Variants in PI4KA observed in about 807,000 individuals in gnomAD.
PI4KA encodes the protein PI4-kinase alpha.
A neutral mutation model predicts 271.4 loss-of-function variants in PI4KA; 122 were observed. The ratio of observed to expected loss-of-function variants is 0.45; its 90% CI spans 0.39 to 0.52. The LOEUF (loss-of-function observed/expected upper bound fraction) is 0.52. Among genes scored for constraint, PI4KA ranks in the 20% least tolerant of loss-of-function variants. The pLI, the probability that PI4KA is intolerant of heterozygous loss-of-function variation, is 0.00. For missense variants in PI4KA, 1,969 were observed against 2,769.1 expected, an observed-to-expected ratio of 0.71 and a Z score of 6.48; for synonymous variants, 1,041 against 1,078.8, an observed-to-expected ratio of 0.96 and a Z score of 0.69.
intron 13 of PI4KA, among the ~76,000 whole-genome samples, chr22:20,802,981 C>T (rs1469000790): frequency 2.6e-5 from 4 of 152,048 alleles, no homozygotes; most frequent in Non-Finnish European, 4.4e-5. Flanking sequence ...GAAAACAGGA[C>T]TTGAAGGGGC....
chr22:20,720,330 A>G (rs559693197), intron 43 of PI4KA, among the ~76,000 whole-genome samples: 1 of 152,276 alleles, frequency 6.6e-6, no homozygotes, highest in Admixed American at 6.5e-5. Context: ...TGTTGGGATT[A>G]CAAGCATGAG....
Position 20,779,404 on chromosome 22 carries a change from G to A in PI4KA, c.2329-13711C>T, listed in dbSNP as rs148982703. The A allele has an allele frequency of 1.3e-4, 204 of 1,614,246 alleles. 1 individual carries two copies. In the African/African-American group the frequency reaches 2.4e-3, roughly 19 times the overall value. ...GGCCCGCTGGATCAGCTAGAGAAAG[G>A]AGGGGAAACTGCTCAGTCTGCAGAT... On this transcript the variant is annotated intron_variant, in intron 19 of 54. Coordinates refer to ENST00000255882, the MANE Select transcript of PI4KA (RefSeq NM_058004.4).
intron 23 of PI4KA, 142 bp downstream of exon 23, chr22:20,761,162 A>G (rs1241029770): frequency 5.7e-5 from 36 of 635,408 alleles, no homozygotes; most frequent in Non-Finnish European, 1.0e-4. Context: ...TTTGAAGGCT[A>G]TATGTTTTAT....
Position 20,727,362 on chromosome 22 carries a change from A to T in PI4KA, c.4809T>A (p.Ala1603=), listed in dbSNP as rs1241384441. 6.2e-7 allele frequency: 1 copy of T among 1,608,748 alleles called. No homozygotes were observed. Among genetic ancestry groups the T allele is most frequent in the Non-Finnish European group, 8.5e-7 (1 of 1,178,168 alleles). ...AGCACAGCACATGGCTGAGCTCTGG[A>T]GCATCGGCGTCGATGGTGTGCCAGG... The part of the protein sequence containing the change: ...LVTWHTIDAD[A]PELSHVLCWA... The change falls in exon 41 of 55, where the codon GCT becomes GCA. Residue 1603 remains alanine, a synonymous_variant. Transcript: ENST00000255882.
intron 23 of PI4KA, among the ~76,000 whole-genome samples, chr22:20,755,282 T>C (rs1359608138): frequency 6.6e-6 from 1 of 152,234 alleles, no homozygotes; most frequent in Non-Finnish European, 1.5e-5. Context: ...TTGGCTCCTG[T>C]GTCATTCGGA....
intron 19 of PI4KA, among the ~76,000 whole-genome samples, chr22:20,772,076 A>G (rs989848188): frequency 2.0e-5 from 3 of 152,214 alleles, no homozygotes; most frequent in African/African-American, 7.2e-5. Flanking sequence ...CCACACATTC[A>G]TTAACCTCAT....
At chr22:20,793,163 GT>G in intron 19 of PI4KA, 29 bp downstream of exon 19, 2 of 1,345,494 alleles carry the variant, frequency 1.5e-6, no homozygotes, top group Non-Finnish European at 2.1e-6. Flanking sequence ...AGTATCTGCA[GT>G]TTTTATCATT....
At chr22:20,810,623 A>C (rs1248824608) in intron 9 of PI4KA, among the ~76,000 whole-genome samples, 1 of 152,156 alleles carries the variant, frequency 6.6e-6, no homozygotes, top group South Asian at 2.1e-4. Flanking sequence ...GAAGCACCAA[A>C]GGAGTGAGGA....
At chr22:20,768,529 G>C (rs1290070105) in intron 19 of PI4KA, among the ~76,000 whole-genome samples, 3 of 152,174 alleles carry the variant, frequency 2.0e-5, no homozygotes, top group Non-Finnish European at 4.4e-5. Flanking sequence ...CACATGTTAA[G>C]ATTATTTCTG....
At chr22:20,856,391 C>A (rs1193557490) in intron 1 of PI4KA, among the ~76,000 whole-genome samples, 1 of 152,058 alleles carries the variant, frequency 6.6e-6, no homozygotes, top group African/African-American at 2.4e-5. Flanking sequence ...TAGGGAGCTG[C>A]CAACCTGTGG....
intron 35 of PI4KA, 70 bp downstream of exon 35, chr22:20,733,666 T>G (rs566042772): frequency 3.7e-6 from 6 of 1,612,426 alleles, no homozygotes; most frequent in Non-Finnish European, 1.7e-6. Context: ...TCCTGGGGGT[T>G]TGGGGCGATG....
intron 29 of PI4KA, among the ~76,000 whole-genome samples, chr22:20,745,519 A>G (rs1228725546): frequency 6.6e-6 from 1 of 152,198 alleles, no homozygotes; most frequent in Non-Finnish European, 1.5e-5. Context: ...GAGGACCAGG[A>G]GAAGAAAATA....
chr22:20,721,528 C>G (rs138743290), intron 42 of PI4KA, 110 bp from the exon 43 acceptor site: 2 of 1,178,390 alleles, frequency 1.7e-6, no homozygotes, highest in Non-Finnish European at 2.5e-6. Flanking sequence ...GGGTAAGGCC[C>G]GGTGGCTCTA....
intron 29 of PI4KA, 47 bp downstream of exon 29, chr22:20,747,536 C>T: frequency 6.2e-7 from 1 of 1,600,276 alleles, no homozygotes; most frequent in Non-Finnish European, 8.6e-7. Flanking sequence ...TGCACTGTGG[C>T]TCCTATGGTC....
intron 54 of PI4KA, among the ~76,000 whole-genome samples, 200 bp from the exon 55 acceptor site, chr22:20,708,298 C>T (rs1390847719): frequency 3.3e-5 from 5 of 152,176 alleles, no homozygotes; most frequent in African/African-American, 1.2e-4. Context: ...CCACCTCATG[C>T]TCCTCAGCCA....
At chr22:20,711,518 T>G in intron 50 of PI4KA, 57 bp from the exon 51 acceptor site, 1 of 1,119,382 alleles carries the variant, frequency 8.9e-7, no homozygotes, top group South Asian at 1.3e-5. Context: ...GCATTCTCCC[T>G]GGTCCCACAC....
chr22:20,741,320 G>C (rs181003022), intron 32 of PI4KA, among the ~76,000 whole-genome samples: 4 of 152,174 alleles, frequency 2.6e-5, no homozygotes, highest in Non-Finnish European at 4.4e-5. Flanking sequence ...CACCATGCAG[G>C]TGAGGAGCCC....
rs1176029126 is a variant in PI4KA at position 20,709,557 on chromosome 22, T to C, written c.6174-178A>G. On this transcript the variant is annotated intron_variant, in intron 53 of 54. Transcript: ENST00000255882. ...TGTGAAGGCCACGCCTGGCCTATCA[T>C]GGGCCCTGTCCCCTTCCCAGCATCA... The C allele has an allele frequency of 8.0e-6, 5 of 622,726 alleles. No homozygotes were observed. In the East Asian group the frequency reaches 1.4e-4, roughly 17 times the overall value. 38.6% of individuals were successfully genotyped at this position (622,726 alleles called of 1,614,324 possible). A position where few individuals can be genotyped will look rare whatever the true frequency, so the allele number is the denominator to read the frequency against.
chr22:20,717,385 G>A (rs1413160898), intron 45 of PI4KA, among the ~76,000 whole-genome samples: 1 of 152,284 alleles, frequency 6.6e-6, no homozygotes, highest in Non-Finnish European at 1.5e-5. Context: ...CCTCGTCTGT[G>A]TGACCTGCTC....
Sources: gnomAD v4.1 joint callset for allele counts (sites outside exome capture counted in the v4.1 genomes callset) on GRCh38, gnomAD v4.1.1 for gene constraint, MANE v1.5 for transcripts, NCBI Gene and HGNC (gene_info 2026-07-23, HGNC 2026-07-21) for gene names.